NAPA: variants seen among roughly 807,000 people sequenced by gnomAD.
The protein encoded by NAPA is alpha-soluble NSF attachment protein.
NAPA carries 18 observed loss-of-function variants against 48.0 expected under a neutral mutation model. That is an observed-to-expected ratio of 0.38 (90% CI 0.26 to 0.56). The LOEUF (loss-of-function observed/expected upper bound fraction) is 0.56, where lower values mean the gene tolerates loss of function less well. Ranked by LOEUF, NAPA falls within the 20% of genes least tolerant of loss-of-function variation. The pLI, the probability that NAPA is intolerant of heterozygous loss-of-function variation, is 0.77. For synonymous variants in NAPA, 152 were observed against 149.9 expected (o/e 1.01, Z -0.10); for missense variants, 315 against 385.0 (o/e 0.82, Z 1.52).
intron 1 of NAPA, chr19:47,512,688 G>A (rs1303385475): frequency 6.6e-6 from 1 of 152,180 alleles, no homozygotes; most frequent in Non-Finnish European, 1.5e-5. Flanking sequence ...TCTCCTCGCA[G>A]CCTCTAAAAT....
intron 2 of NAPA, 125 bp from the exon 3 acceptor site, chr19:47,500,874 C>T (rs912143754): frequency 7.6e-6 from 5 of 656,176 alleles, no homozygotes; most frequent in South Asian, 4.7e-5. Context: ...CAAGACAGGA[C>T]GAGGGTGACC....
At chr19:47,489,902 G>T in intron 9 of NAPA, 141 bp from the exon 10 acceptor site, 1 of 792,568 alleles carries the variant, frequency 1.3e-6, no homozygotes, top group East Asian at 2.7e-5. Context: ...ATCCGTGTGG[G>T]TTAAACTGGG....
intron 8 of NAPA, 62 bp downstream of exon 8, chr19:47,491,953 T>C (rs1413869353): frequency 1.4e-6 from 2 of 1,478,000 alleles, no homozygotes; most frequent in East Asian, 4.5e-5. Context: ...CAACGGGACC[T>C]GGCCTGGAGA....
chr19:47,495,519 G>A (rs200184842), intron 4 of NAPA, 31 bp downstream of exon 4: 13 of 1,610,856 alleles, frequency 8.1e-6, no homozygotes, highest in Admixed American at 5.0e-5. Flanking sequence ...AGTGGGACCC[G>A]GGGGTGTCAG....
At position 47,506,378 on chromosome 19, in the gene NAPA, G is replaced by A. The variant is rs1030258758; in HGVS notation, c.99-2876C>T. On this transcript the variant is annotated intron_variant, in intron 1 of 10. Transcript: ENST00000263354. This position sits in a 1 kb window ranked among gnomAD's most constrained non-coding sequence, Gnocchi z 4.0. ...AACCTTCTGGCTGAGAATCCTGAAG[G>A]GTCCTTTGGGGCCTGGCTGCAAAAA... 6.6e-6 allele frequency among the ~76,000 whole-genome samples: 1 copy of A among 152,022 alleles called. No individual in the cohort carries two copies. The highest frequency in any genetic ancestry group is 2.4e-5 in the African/African-American group (1 of 41,342).
rs1478984816 is a variant in NAPA at position 47,488,122 on chromosome 19, C to A, written c.*166G>T. 3.3e-6 allele frequency: 2 copies of A among 606,588 alleles called. No individual in the cohort carries two copies. The highest frequency in any genetic ancestry group is 5.9e-6 in the Non-Finnish European group (2 of 340,922). 37.6% of individuals were successfully genotyped at this position (606,588 alleles called of 1,614,324 possible). On this transcript the variant is annotated 3_prime_UTR_variant, in exon 11 of 11. Transcript: ENST00000263354. ...CAGAGGGTGACTGTCCGGCCAGCAG[C>A]CTGGGCCTCTGGCGCCCCTGCATGC...
In NAPA at chr19:47,493,708, C is replaced by T. The variant is rs1397481014; in HGVS notation, c.343-215G>A. ...GCCTGGCTATGCGTGCTGGGCTGAG[C>T]GGGTGATGTTGGACAAGCCACTCCA... On this transcript the variant is annotated intron_variant, in intron 4 of 10. Transcript: ENST00000263354. The surrounding 1 kb of genome is among the most constrained non-coding windows in gnomAD (Gnocchi z 6.4). 7.1e-6 allele frequency: 4 copies of T among 567,006 alleles called. No individual in the cohort carries two copies. Among genetic ancestry groups the T allele is most frequent in the East Asian group, 2.9e-5 (1 of 34,412 alleles). The allele number at this position is 567,006 out of a possible 1,614,324, so 35.1% of individuals were successfully genotyped here. A position where few individuals can be genotyped will look rare whatever the true frequency, so the allele number is the denominator to read the frequency against.
chr19:47,484,810 T>C (rs756474454), downstream of NAPA, among the ~76,000 whole-genome samples: 1 of 151,496 alleles, frequency 6.6e-6, no homozygotes, highest in South Asian at 2.1e-4. Context: ...GTTCAAGCGA[T>C]TCTCCTGCCT....
At chr19:47,495,335 GGAGT>G (rs1968392718) in intron 4 of NAPA, 1 of 613,430 alleles carries the variant, frequency 1.6e-6, no homozygotes, top group South Asian at 2.0e-5. Context: ...GACTGCCTGT[GGAGT>G]GAGGGGGCCG....
intron 1 of NAPA, among the ~76,000 whole-genome samples, chr19:47,514,267 C>G (rs1599923708): frequency 1.3e-5 from 2 of 152,186 alleles, no homozygotes; most frequent in East Asian, 3.9e-4. Context: ...GCCCTGAGCC[C>G]CTCTGCCTGG....
At chr19:47,492,759 T>TGGCAC (rs772802805) in intron 7 of NAPA, 31 of 692,514 alleles carry the variant, frequency 4.5e-5, no homozygotes, top group Non-Finnish European at 7.6e-5. Context: ...GAGACGGTGC[T>TGGCAC]GGCACGGCAT....
At chr19:47,499,047 T>C (rs1311468086) in intron 3 of NAPA, among the ~76,000 whole-genome samples, 1 of 152,200 alleles carries the variant, frequency 6.6e-6, no homozygotes, top group Admixed American at 6.5e-5. Flanking sequence ...TATACTTTCC[T>C]ACCGGTCGGA....
At position 47,492,084 on chromosome 19, in the gene NAPA, C is replaced by T; in HGVS notation, c.597G>A (p.Lys199=). The T allele has an allele frequency of 6.2e-7, 1 of 1,614,096 alleles. No homozygotes were observed. The highest frequency in any genetic ancestry group is 8.5e-7 in the Non-Finnish European group (1 of 1,179,972). Reference sequence around the variant, plus strand: ...TGAAGAAGTAGTCTTTGGCGCTGTACTTGAGGAGGGGGCTGTCCATGGCAT... The same window carrying T: ...TGAAGAAGTAGTCTTTGGCGCTGTATTTGAGGAGGGGGCTGTCCATGGCAT... The part of the protein sequence containing the change: ...GTNAMDSPLL[K]YSAKDYFFKA... The change falls in exon 8 of 11, where the codon AAG becomes AAA. Residue 199 remains lysine, a synonymous_variant. Coordinates refer to ENST00000263354, the MANE Select transcript of NAPA (RefSeq NM_003827.4).
At chr19:47,490,701 A>T (rs1968241132) in intron 9 of NAPA, 87 bp downstream of exon 9, 15 of 1,106,328 alleles carry the variant, frequency 1.4e-5, no homozygotes, top group Non-Finnish European at 1.8e-5. Flanking sequence ...GAACTACTGG[A>T]CAAGTCTTGG....
chr19:47,487,420 A>T (rs1968102322), downstream of NAPA, among the ~76,000 whole-genome samples: 1 of 152,054 alleles, frequency 6.6e-6, no homozygotes, highest in Admixed American at 6.5e-5. Context: ...AAAGATCAAG[A>T]TGGGCGCTCT....
intron 1 of NAPA, among the ~76,000 whole-genome samples, chr19:47,511,293 C>T (rs1968800662): frequency 6.6e-6 from 1 of 152,154 alleles, no homozygotes; most frequent in Admixed American, 6.5e-5. Flanking sequence ...TCCCGCCCGC[C>T]AAGCAGGTCC....
chr19:47,493,628 A>G lies in NAPA; in HGVS notation c.343-135T>C. On this transcript the variant is annotated intron_variant, in intron 4 of 10. Coordinates refer to ENST00000263354, the MANE Select transcript of NAPA (RefSeq NM_003827.4). This position sits in a 1 kb window ranked among gnomAD's most constrained non-coding sequence, Gnocchi z 6.4. Reference sequence around the variant, plus strand: ...TATGAAGAAGACCTGAGGTGTGAAGAAGATCGAGAGGTGGGGGAACACAGG... The same window carrying G: ...TATGAAGAAGACCTGAGGTGTGAAGGAGATCGAGAGGTGGGGGAACACAGG... 1 of 745,966 alleles carries G rather than the reference A, an allele frequency of 1.3e-6. No homozygotes were observed. The highest frequency in any genetic ancestry group is 2.4e-6 in the Non-Finnish European group (1 of 425,488). 46.2% of individuals were successfully genotyped at this position (745,966 alleles called of 1,614,324 possible). A position where few individuals can be genotyped will look rare whatever the true frequency, so the allele number is the denominator to read the frequency against.
intron 10 of NAPA, 55 bp from the exon 11 acceptor site, chr19:47,488,444 AG>A: frequency 7.0e-7 from 1 of 1,426,284 alleles, no homozygotes; most frequent in Non-Finnish European, 9.8e-7. Context: ...CCAACCCTGC[AG>A]CCCAAGGGCA....
intron 3 of NAPA, chr19:47,496,878 G>A (rs1384646481): frequency 1.3e-5 from 6 of 455,842 alleles, no homozygotes; most frequent in African/African-American, 4.0e-5. Context: ...TGTAGGTTTT[G>A]TCCAATTCAG....
Sources: allele counts gnomAD v4.1 joint callset (sites outside exome capture counted in the v4.1 genomes callset), GRCh38; gene constraint gnomAD v4.1.1; non-coding constraint Gnocchi (gnomAD v3.1); transcripts MANE v1.5; gene names NCBI Gene and HGNC (gene_info 2026-07-23, HGNC 2026-07-21).